Variants in LARGE1 observed in about 807,000 individuals in gnomAD.
LARGE1 encodes xylosyl- and glucuronyltransferase LARGE1.
Under a neutral mutation model 87.6 loss-of-function variants are expected in LARGE1, and 43 were observed. That is an observed-to-expected ratio of 0.49 (90% CI 0.38 to 0.63). The LOEUF (loss-of-function observed/expected upper bound fraction) is 0.63. LARGE1 is among the 30% of genes least tolerant of loss of function. The pLI, the probability that LARGE1 is intolerant of heterozygous loss-of-function variation, is 0.00. For missense variants in LARGE1, 802 were observed against 1,000.2 expected, an observed-to-expected ratio of 0.80 and a Z score of 2.67; for synonymous variants, 434 against 394.6, an observed-to-expected ratio of 1.10 and a Z score of -1.18.
intron 1 of LARGE1, among the ~76,000 whole-genome samples, chr22:33,780,389 C>A (rs1320043609): frequency 1.3e-5 from 2 of 152,086 alleles, no homozygotes; most frequent in African/African-American, 4.8e-5. Flanking sequence ...CAAAAAGAGG[C>A]ATTTCAGTTC....
intron 9 of LARGE1, among the ~76,000 whole-genome samples, chr22:33,342,130 G>A (rs1939216611): frequency 6.6e-6 from 1 of 152,180 alleles, no homozygotes; most frequent in Non-Finnish European, 1.5e-5. Flanking sequence ...ATAAGATCCT[G>A]GGCCATGCAT....
At chr22:33,590,011 G>T (rs1229562689) in intron 5 of LARGE1, among the ~76,000 whole-genome samples, 1 of 152,080 alleles carries the variant, frequency 6.6e-6, no homozygotes, top group African/African-American at 2.4e-5. Flanking sequence ...TATTCCATAT[G>T]ATAGGCAGTT....
rs115963827 is a variant in LARGE1 at position 33,597,471 on chromosome 22, A to G, written c.615+6964T>C. On this transcript the variant is annotated intron_variant, in intron 5 of 14. Coordinates refer to ENST00000397394, the MANE Select transcript of LARGE1 (RefSeq NM_133642.5). ...GACAGGAACAATGAGTCTGCCTCCTAAAGGACGGCAGGGGGCTGGAAGATT... is the reference window on the plus strand; with the variant it reads ...GACAGGAACAATGAGTCTGCCTCCTGAAGGACGGCAGGGGGCTGGAAGATT... Among the ~76,000 whole-genome samples the G allele has an allele frequency of 9.9e-3, 1,499 of 152,162 alleles. 22 individuals carry two copies. Among genetic ancestry groups the G allele is most frequent in the African/African-American group, 0.034 (1,419 of 41,506 alleles).
chr22:33,103,496 T>C, the LARGE1 span, among the ~76,000 whole-genome samples: 858 of 105,970 alleles, frequency 8.1e-3, 5 homozygotes, highest in African/African-American at 0.029. Flanking sequence ...CCTAATCAAA[T>C]GAGCTCTTTA....
the LARGE1 span, among the ~76,000 whole-genome samples, chr22:33,124,039 A>C: frequency 6.6e-6 from 1 of 152,116 alleles, no homozygotes; most frequent in African/African-American, 2.4e-5. Flanking sequence ...TAACCCCAAC[A>C]CTTTGGGAGG....
Position 33,567,752 on chromosome 22 carries a change from A to C in LARGE1, c.616-2733T>G, listed in dbSNP as rs534775611. On this transcript the variant is annotated intron_variant, in intron 5 of 14. Transcript: ENST00000397394. ...TCCAGCAGGCAATTTCTCACCCCTCACACAGCTCTCACCCTCCCCTCTTTT... is the reference window on the plus strand; with the variant it reads ...TCCAGCAGGCAATTTCTCACCCCTCCCACAGCTCTCACCCTCCCCTCTTTT... Among the ~76,000 whole-genome samples the C allele has an allele frequency of 2.0e-5, 3 of 152,204 alleles. No individual in the cohort carries two copies. In the East Asian group the frequency reaches 5.8e-4, roughly 29 times the overall value.
chr22:33,898,940 T>C (rs1347906988), intron 1 of LARGE1, among the ~76,000 whole-genome samples: 3 of 152,218 alleles, frequency 2.0e-5, no homozygotes, highest in Non-Finnish European at 4.4e-5. Flanking sequence ...CACGCAACTG[T>C]ATCCATCGGG....
At chr22:33,554,241 A>G (rs564835145) in intron 6 of LARGE1, among the ~76,000 whole-genome samples, 5 of 152,038 alleles carry the variant, frequency 3.3e-5, no homozygotes, top group Non-Finnish European at 7.4e-5. Context: ...TCCTGCCCCC[A>G]TCCAATGAGC....
intron 11 of LARGE1, among the ~76,000 whole-genome samples, chr22:33,227,041 TAACTCTGAGTG>T (rs1387514258): frequency 6.6e-6 from 1 of 152,156 alleles, no homozygotes; most frequent in East Asian, 1.9e-4. Context: ...CATTCATCTT[TAACTCTGAGTG>T]ACTATATTTA....
intron 9 of LARGE1, among the ~76,000 whole-genome samples, chr22:33,342,185 G>A (rs972194868): frequency 2.6e-5 from 4 of 152,186 alleles, no homozygotes; most frequent in African/African-American, 9.7e-5. Flanking sequence ...CCCAGTGGGG[G>A]GATCGTGTCG....
chr22:33,754,340 C>CTT (rs112432978), intron 2 of LARGE1, among the ~76,000 whole-genome samples: 10 of 143,846 alleles, frequency 7.0e-5, no homozygotes, highest in Non-Finnish European at 1.2e-4. Context: ...TGAAAAAGTT[C>CTT]TTTTTTTTTT....
the LARGE1 span, among the ~76,000 whole-genome samples, chr22:33,084,335 A>G: frequency 2.0e-5 from 3 of 152,034 alleles, no homozygotes; most frequent in African/African-American, 4.8e-5. Context: ...GGTCTTATTG[A>G]TGTCTATACC....
chr22:33,802,659 C>A (rs908160369), intron 1 of LARGE1, among the ~76,000 whole-genome samples: 1 of 152,146 alleles, frequency 6.6e-6, no homozygotes, highest in Admixed American at 6.6e-5. Context: ...TGTCACCCTG[C>A]CCCTCTCCCC....
chr22:33,564,728 C>T (rs3213513), intron 6 of LARGE1, 120 bp downstream of exon 6: 41 of 945,008 alleles, frequency 4.3e-5, no homozygotes, highest in Non-Finnish European at 6.3e-5. Flanking sequence ...AATTCCTCAC[C>T]CACTGCATTA....
At chr22:33,324,087 C>T (rs546511740) in intron 10 of LARGE1, among the ~76,000 whole-genome samples, 2 of 151,834 alleles carry the variant, frequency 1.3e-5, no homozygotes, top group South Asian at 4.2e-4. Context: ...CAAAAATTAG[C>T]CAGGTGTGGT....
At chr22:33,712,458 A>G (rs909816364) in intron 2 of LARGE1, among the ~76,000 whole-genome samples, 3 of 152,130 alleles carry the variant, frequency 2.0e-5, no homozygotes, top group African/African-American at 7.2e-5. Flanking sequence ...CCCACTGGCT[A>G]TGAGGTGGGT....
chr22:33,881,787 A>G (rs8138170), intron 1 of LARGE1, among the ~76,000 whole-genome samples: 2,361 of 152,326 alleles, frequency 0.015, 52 homozygotes, highest in African/African-American at 0.054. Flanking sequence ...ACAAAAGGTT[A>G]AGGAAATAGG....
chr22:33,597,487 C>T (rs2079010320), intron 5 of LARGE1, among the ~76,000 whole-genome samples: 1 of 152,068 alleles, frequency 6.6e-6, no homozygotes, highest in Non-Finnish European at 1.5e-5. Flanking sequence ...CGGCAGGGGG[C>T]TGGAAGATTA....
At chr22:33,145,653 G>A in the LARGE1 span, among the ~76,000 whole-genome samples, 4 of 152,202 alleles carry the variant, frequency 2.6e-5, no homozygotes, top group Non-Finnish European at 5.9e-5. Flanking sequence ...TATTTGCTCA[G>A]TGGAAATTCA....
Sources: allele counts gnomAD v4.1 joint callset (sites outside exome capture counted in the v4.1 genomes callset), GRCh38; gene constraint gnomAD v4.1.1; transcripts MANE v1.5; gene names NCBI Gene and HGNC (gene_info 2026-07-23, HGNC 2026-07-21).